KCNH7: variants seen among roughly 807,000 people sequenced by gnomAD.
KCNH7 encodes the protein potassium voltage-gated channel subfamily H member 7.
Under a neutral mutation model 120.8 loss-of-function variants are expected in KCNH7, and 49 were observed. The ratio of observed to expected loss-of-function variants is 0.41; its 90% CI spans 0.32 to 0.51. KCNH7 has a LOEUF of 0.51. Among genes scored for constraint, KCNH7 ranks in the 20% least tolerant of loss-of-function variants. The pLI, the probability that KCNH7 is intolerant of heterozygous loss-of-function variation, is 0.38. For missense variants in KCNH7, 1,097 were observed against 1,446.6 expected (o/e 0.76, Z 3.92); for synonymous variants, 547 against 516.1 (o/e 1.06, Z -0.81).
At chr2:162,825,864 C>T (rs995979012) in intron 2 of KCNH7, among the ~76,000 whole-genome samples, 5 of 152,014 alleles carry the variant, frequency 3.3e-5, no homozygotes, top group Non-Finnish European at 5.9e-5. Context: ...CATGAATGCT[C>T]ACATGTGTGT....
At chr2:162,427,268 T>C (rs944094576) in intron 8 of KCNH7, among the ~76,000 whole-genome samples, 4 of 152,082 alleles carry the variant, frequency 2.6e-5, no homozygotes, top group Admixed American at 2.6e-4. Context: ...GTGTGGTACA[T>C]TTAACTTTAT....
chr2:162,391,203 G>A (rs1376680268), intron 12 of KCNH7, among the ~76,000 whole-genome samples: 1 of 152,012 alleles, frequency 6.6e-6, no homozygotes, highest in Admixed American at 6.6e-5. Flanking sequence ...CTACAAAAAT[G>A]AATGCATTTC....
intron 2 of KCNH7, among the ~76,000 whole-genome samples, chr2:162,598,762 C>T (rs1046298090): frequency 1.3e-5 from 2 of 151,964 alleles, no homozygotes; most frequent in African/African-American, 4.8e-5. Flanking sequence ...AAAGGTTTCA[C>T]CCAAGTTTTT....
At chr2:162,729,670 A>G (rs901302411) in intron 2 of KCNH7, among the ~76,000 whole-genome samples, 1 of 152,214 alleles carries the variant, frequency 6.6e-6, no homozygotes, top group Admixed American at 6.5e-5. Flanking sequence ...AATGCTGACT[A>G]TAAGTAATAA....
chr2:162,742,786 A>G (rs1688182945), intron 2 of KCNH7, among the ~76,000 whole-genome samples: 1 of 152,186 alleles, frequency 6.6e-6, no homozygotes, highest in South Asian at 2.1e-4. Flanking sequence ...AAAGATACAT[A>G]TCTTGCTTGT....
intron 2 of KCNH7, among the ~76,000 whole-genome samples, chr2:162,752,908 GAAAAGA>G (rs1688616254): frequency 5.6e-5 from 2 of 35,968 alleles, no homozygotes; most frequent in African/African-American, 2.6e-4. Context: ...CTCAGAAAAA[GAAAAGA>G]AAAGAAAAGA....
intron 2 of KCNH7, among the ~76,000 whole-genome samples, chr2:162,542,665 G>A (rs966713473): frequency 6.6e-6 from 1 of 151,920 alleles, no homozygotes; most frequent in Non-Finnish European, 1.5e-5. Context: ...GGACATTTGG[G>A]TTGGTTCCAA....
At chr2:162,706,445 C>T (rs186372761) in intron 2 of KCNH7, among the ~76,000 whole-genome samples, 1 of 152,062 alleles carries the variant, frequency 6.6e-6, no homozygotes, top group Non-Finnish European at 1.5e-5. Flanking sequence ...ATAAGAGGGA[C>T]CTTATTTTCC....
At chr2:162,788,871 T>G (rs1204884379) in intron 2 of KCNH7, among the ~76,000 whole-genome samples, 2 of 150,894 alleles carry the variant, frequency 1.3e-5, no homozygotes, top group Non-Finnish European at 2.9e-5. Context: ...GGATTATAAA[T>G]TAGCAATAGA....
At chr2:162,743,095 T>A (rs1269358778) in intron 2 of KCNH7, among the ~76,000 whole-genome samples, 2 of 152,094 alleles carry the variant, frequency 1.3e-5, no homozygotes, top group African/African-American at 4.8e-5. Flanking sequence ...TTCATTGATT[T>A]CCCTCTCAAC....
At chr2:162,755,772 TATGAC>T (rs1688767293) in intron 2 of KCNH7, among the ~76,000 whole-genome samples, 1 of 152,146 alleles carries the variant, frequency 6.6e-6, no homozygotes, top group African/African-American at 2.4e-5. Context: ...TTATGTATGT[TATGAC>T]ATGAAATACT....
intron 2 of KCNH7, among the ~76,000 whole-genome samples, chr2:162,650,724 T>C (rs1168195230): frequency 6.6e-6 from 1 of 152,182 alleles, no homozygotes; most frequent in Non-Finnish European, 1.5e-5. Flanking sequence ...GTTTATTTGA[T>C]GTCTGCCTCC....
At chr2:162,762,037 C>A (rs912460981) in intron 2 of KCNH7, among the ~76,000 whole-genome samples, 6 of 152,186 alleles carry the variant, frequency 3.9e-5, no homozygotes, top group Admixed American at 2.6e-4. Flanking sequence ...AATTGAGAAG[C>A]CAACATTCAG....
intron 6 of KCNH7, among the ~76,000 whole-genome samples, chr2:162,476,145 T>G (rs1409401300): frequency 6.6e-6 from 1 of 152,226 alleles, no homozygotes; most frequent in Non-Finnish European, 1.5e-5. Context: ...TAAAGGAGTC[T>G]GGCGCCCATT....
chr2:162,552,508 T>G (rs541497974), intron 2 of KCNH7, among the ~76,000 whole-genome samples: 95 of 152,332 alleles, frequency 6.2e-4, no homozygotes, highest in Non-Finnish European at 1.2e-3. Context: ...ATTTCATTCC[T>G]CTGTCATACA....
chr2:162,697,616 T>C (rs999822913), intron 2 of KCNH7, among the ~76,000 whole-genome samples: 2 of 152,056 alleles, frequency 1.3e-5, no homozygotes, highest in African/African-American at 2.4e-5. Flanking sequence ...AAAGGGCTTC[T>C]GGGGCAAGTG....
At chr2:162,793,917 T>C (rs1487020370) in intron 2 of KCNH7, among the ~76,000 whole-genome samples, 1 of 152,004 alleles carries the variant, frequency 6.6e-6, no homozygotes, top group African/African-American at 2.4e-5. Context: ...TGAAATTTGC[T>C]AAGAGAATAG....
At chr2:162,574,948 AC>A (rs1249768104) in intron 2 of KCNH7, among the ~76,000 whole-genome samples, 2 of 152,136 alleles carry the variant, frequency 1.3e-5, no homozygotes, top group African/African-American at 4.8e-5. Context: ...AGATGAGAAT[AC>A]TAAATATTGT....
At chr2:162,500,161 C>T (rs868670834) in intron 6 of KCNH7, among the ~76,000 whole-genome samples, 22 of 147,486 alleles carry the variant, frequency 1.5e-4, no homozygotes, top group African/African-American at 5.4e-4. Context: ...TATTGATATA[C>T]ATTTATATGT....
Sources: gnomAD v4.1 joint callset for allele counts (sites outside exome capture counted in the v4.1 genomes callset) on GRCh38, gnomAD v4.1.1 for gene constraint, MANE v1.5 for transcripts, NCBI Gene and HGNC (gene_info 2026-07-23, HGNC 2026-07-21) for gene names.